The following ERN1 variants were observed in gnomAD, a reference collection of about 807,000 sequenced individuals.
ERN1 encodes endoplasmic reticulum to nucleus signaling 1, also known as serine/threonine-protein kinase/endoribonuclease IRE1.
In ERN1, 39 loss-of-function variants were observed where a neutral mutation model predicts 113.1. The observed-to-expected ratio is 0.34, with a 90% confidence interval of 0.27 to 0.45. ERN1 has a LOEUF of 0.45. Among genes scored for constraint, ERN1 ranks in the 20% least tolerant of loss-of-function variants. The pLI, the probability that ERN1 is intolerant of heterozygous loss-of-function variation, is 1.00. For missense variants in ERN1, 976 were observed against 1,274.8 expected (o/e 0.77, Z 3.57); for synonymous variants, 507 against 515.9 (o/e 0.98, Z 0.23).
chr17:64,055,735 A>G lies in ERN1; in HGVS notation c.1612T>C (p.Cys538Arg), dbSNP rs377519579. 1.2e-6 allele frequency: 2 copies of G among 1,612,022 alleles called. No individual in the cohort carries two copies. Among genetic ancestry groups the G allele is most frequent in the African/African-American group, 2.7e-5 (2 of 75,032 alleles). ...TSPRASNHSL[C>R]SGSSASKAGS... ...GCCTTGGAGGCAGAGCTGCCGGAGC[A>G]GAGCGAGTGGTTGGAGGCCCTGGGG... The change falls in exon 13 of 22, where the codon TGC becomes CGC. Residue 538 changes from cysteine (C) to arginine (R), a missense_variant. By Grantham distance (180) the Cys-to-Arg change is radical. Coordinates refer to ENST00000433197, the MANE Select transcript of ERN1 (RefSeq NM_001433.5).
chr17:64,085,020 T>C (rs561568399), intron 2 of ERN1, among the ~76,000 whole-genome samples: 2 of 152,354 alleles, frequency 1.3e-5, no homozygotes, highest in East Asian at 1.9e-4. Flanking sequence ...TAGTTCTGTA[T>C]ATTTTATTGC....
chr17:64,097,459 T>C (rs1211527665), intron 2 of ERN1, among the ~76,000 whole-genome samples: 2 of 152,202 alleles, frequency 1.3e-5, no homozygotes, highest in African/African-American at 4.8e-5. Flanking sequence ...GATTAAATAA[T>C]ATAGATGACT....
chr17:64,074,214 TA>T (rs1324656654), intron 5 of ERN1, among the ~76,000 whole-genome samples: 1 of 152,178 alleles, frequency 6.6e-6, no homozygotes, highest in Non-Finnish European at 1.5e-5. Context: ...TGCTCTTAAA[TA>T]TGTTTAATGA....
chr17:64,112,823 G>C (rs1914710037), intron 1 of ERN1, among the ~76,000 whole-genome samples: 1 of 152,152 alleles, frequency 6.6e-6, no homozygotes. Context: ...AAATGCAAAA[G>C]TCACCAACTC....
At chr17:64,102,488 A>G (rs930665828) in intron 1 of ERN1, among the ~76,000 whole-genome samples, 1 of 152,242 alleles carries the variant, frequency 6.6e-6, no homozygotes, top group Non-Finnish European at 1.5e-5. Context: ...CCTGGGAGCC[A>G]CTCGGAACAG....
intron 2 of ERN1, among the ~76,000 whole-genome samples, chr17:64,093,234 C>G (rs1914137473): frequency 6.6e-6 from 1 of 152,162 alleles, no homozygotes; most frequent in Non-Finnish European, 1.5e-5. Flanking sequence ...CTGAAGAACC[C>G]CAGTTTGGTG....
chr17:64,096,933 C>T (rs1914246641), intron 2 of ERN1, among the ~76,000 whole-genome samples: 1 of 152,188 alleles, frequency 6.6e-6, no homozygotes. Flanking sequence ...CATTCCACAG[C>T]CAAAGTGTTT....
rs756282133 is a variant in ERN1 at position 64,079,708 on chromosome 17, T to C, written c.236A>G (p.Asp79Gly). ...GCTTCCAAGCGTATACAGGCTGCCA[T>C]CATTAGGATCTGGGAGAAAGGCAGG... ...EEPAFLPDPN[D>G]GSLYTLGSKN... The change falls in exon 4 of 22, where the codon GAT becomes GGT. Residue 79 changes from aspartate (D) to glycine (G), a missense_variant. By Grantham distance (94) the Asp-to-Gly change is moderately conservative (BLOSUM62 -1). Coordinates refer to ENST00000433197, the MANE Select transcript of ERN1 (RefSeq NM_001433.5). 1 of 1,613,840 alleles carries C rather than the reference T, an allele frequency of 6.2e-7. No homozygotes were observed. Among genetic ancestry groups the C allele is most frequent in the South Asian group, 1.1e-5 (1 of 91,074 alleles).
intron 4 of ERN1, among the ~76,000 whole-genome samples, chr17:64,078,159 G>A (rs1426449038): frequency 6.6e-6 from 1 of 152,240 alleles, no homozygotes; most frequent in Non-Finnish European, 1.5e-5. Flanking sequence ...AGCAGTAGGT[G>A]AGAGTCCTGG....
intron 2 of ERN1, among the ~76,000 whole-genome samples, chr17:64,092,344 G>A (rs1914115306): frequency 6.6e-6 from 1 of 152,086 alleles, no homozygotes; most frequent in African/African-American, 2.4e-5. Flanking sequence ...TGTGGCAAGA[G>A]GCACATGTTT....
chr17:64,041,322 A>G lies in ERN1; in HGVS notation c.*2666T>C, dbSNP rs1278102869. On this transcript the variant is annotated 3_prime_UTR_variant, in exon 22 of 22. Transcript: ENST00000433197. The stretch of plus-strand genomic sequence containing the variant: ...AAGCTCCATCTTGAAGATAGCGTAC[A>G]GTACTTCTAAAAAGCTCAACAGCCT... 6.6e-6 allele frequency: 1 copy of G among 152,262 alleles called. No homozygotes were observed. Among genetic ancestry groups the G allele is most frequent in the Non-Finnish European group, 1.5e-5 (1 of 68,056 alleles). 9.4% of individuals were successfully genotyped at this position (152,262 alleles called of 1,614,324 possible).
At chr17:64,112,310 G>A (rs1196896222) in intron 1 of ERN1, among the ~76,000 whole-genome samples, 3 of 151,538 alleles carry the variant, frequency 2.0e-5, no homozygotes, top group Non-Finnish European at 4.4e-5. Flanking sequence ...GGACAGCGCA[G>A]TGAGCTGAGA....
In ERN1 at chr17:64,071,856, T is replaced by C; in HGVS notation, c.478+125A>G. The stretch of plus-strand genomic sequence containing the variant: ...CACTGAAGGGTCTTATAAAGGAAAA[T>C]GACATGATGGGACCTGTGTTTGGAA... On this transcript the variant is annotated intron_variant, in intron 6 of 21. Transcript: ENST00000433197. The C allele has an allele frequency of 4.0e-6, 4 of 1,000,922 alleles. No homozygotes were observed. The South Asian group carries it at 6.3e-5, about 16-fold the overall frequency. 62.0% of individuals were successfully genotyped at this position (1,000,922 alleles called of 1,614,324 possible).
At chr17:64,096,711 AAGTT>A (rs1242320627) in intron 2 of ERN1, among the ~76,000 whole-genome samples, 1 of 152,232 alleles carries the variant, frequency 6.6e-6, no homozygotes, top group Non-Finnish European at 1.5e-5. Flanking sequence ...TTTCAGCTCT[AAGTT>A]AGAAGAGAAA....
chr17:64,126,293 T>C (rs1915078751), intron 1 of ERN1, among the ~76,000 whole-genome samples: 1 of 152,184 alleles, frequency 6.6e-6, no homozygotes, highest in Non-Finnish European at 1.5e-5. Flanking sequence ...CATTTGATTA[T>C]AAAACCTACA....
Position 64,047,858 on chromosome 17 carries a change from C to A in ERN1, c.2529G>T (p.Gln843His), listed in dbSNP as rs1008186868. Residue 843 changes from glutamine to histidine, a missense_variant and splice_region_variant, in exon 19 of 22, where the codon CAG becomes CAT. Physicochemically the swap from Gln to His is conservative, Grantham distance 24. This residue lies in a region of ERN1 where 297 missense variants were observed against 457.8 expected (regional missense o/e 0.65). Coordinates refer to ENST00000433197, the MANE Select transcript of ERN1 (RefSeq NM_001433.5). Reference protein sequence around the residue: ...WSLEKQLQFFQDVSDRIEKES... With the variant: ...WSLEKQLQFFHDVSDRIEKES... ...GGATAAAGAGAACAGACGTCTCTACCTGGAAGAACTGGAGCTGCTTCTCTA... is the reference window on the plus strand; with the variant it reads ...GGATAAAGAGAACAGACGTCTCTACATGGAAGAACTGGAGCTGCTTCTCTA... 1.9e-5 allele frequency: 31 copies of A among 1,606,132 alleles called. No individual in the cohort carries two copies. Among genetic ancestry groups the A allele is most frequent in the Non-Finnish European group, 2.6e-5 (31 of 1,175,498 alleles).
intron 6 of ERN1, among the ~76,000 whole-genome samples, chr17:64,069,028 G>C (rs1913326464): frequency 6.6e-6 from 1 of 152,180 alleles, no homozygotes; most frequent in Non-Finnish European, 1.5e-5. Context: ...CGCTGGAAAA[G>C]ATTCTCAATA....
chr17:64,115,934 C>A (rs1914792565), intron 1 of ERN1, among the ~76,000 whole-genome samples: 1 of 152,194 alleles, frequency 6.6e-6, no homozygotes, highest in African/African-American at 2.4e-5. Context: ...CCCAACCAAT[C>A]AAAACATGCC....
At chr17:64,116,040 G>A (rs1914794868) in intron 1 of ERN1, among the ~76,000 whole-genome samples, 1 of 152,090 alleles carries the variant, frequency 6.6e-6, no homozygotes, top group Non-Finnish European at 1.5e-5. Context: ...AAGTGTCTCC[G>A]CTTATCTCAA....
Sources: allele counts gnomAD v4.1 joint callset (sites outside exome capture counted in the v4.1 genomes callset), GRCh38; gene constraint gnomAD v4.1.1; regional missense constraint gnomAD v4.1.1; transcripts MANE v1.5; gene names NCBI Gene and HGNC (gene_info 2026-07-23, HGNC 2026-07-21).